The following ARHGAP24 variants were observed in gnomAD, a reference collection of about 807,000 sequenced individuals.
ARHGAP24 encodes the protein Rho GTPase activating protein 24.
In ARHGAP24, 50 loss-of-function variants were observed where a neutral mutation model predicts 76.4. The ratio of observed to expected loss-of-function variants is 0.65; its 90% CI spans 0.52 to 0.83. ARHGAP24 has a LOEUF of 0.83. Ranked by LOEUF, ARHGAP24 falls within the 40% of genes least tolerant of loss-of-function variation. The pLI, the probability that ARHGAP24 is intolerant of heterozygous loss-of-function variation, is 0.00. For missense variants in ARHGAP24, 930 were observed against 914.2 expected, an observed-to-expected ratio of 1.02 and a Z score of -0.22; for synonymous variants, 345 against 323.3, an observed-to-expected ratio of 1.07 and a Z score of -0.72.
At chr4:85,749,396 T>C (rs998033300) in intron 3 of ARHGAP24, among the ~76,000 whole-genome samples, 1 of 152,250 alleles carries the variant, frequency 6.6e-6, no homozygotes, top group African/African-American at 2.4e-5. Flanking sequence ...GCTAGACTTC[T>C]ATATGTCTGA....
chr4:85,578,351 G>A (rs1291041464), intron 2 of ARHGAP24, among the ~76,000 whole-genome samples: 1 of 152,192 alleles, frequency 6.6e-6, no homozygotes, highest in African/African-American at 2.4e-5. Flanking sequence ...ATCTGTCGCT[G>A]CTGGAGAGGG....
At chr4:85,922,677 G>T (rs958916857) in intron 3 of ARHGAP24, among the ~76,000 whole-genome samples, 10 of 152,140 alleles carry the variant, frequency 6.6e-5, no homozygotes, top group Non-Finnish European at 7.3e-5. Context: ...TGCAGGCTCT[G>T]ATACTTGTCT....
At chr4:86,000,155 A>G (rs1740927935) in intron 9 of ARHGAP24, 3 of 234,112 alleles carry the variant, frequency 1.3e-5, no homozygotes, top group Non-Finnish European at 2.5e-5. Context: ...TTTAATGTCC[A>G]GGAAGCTTTC....
At chr4:85,787,450 C>T (rs1242760118) in intron 3 of ARHGAP24, among the ~76,000 whole-genome samples, 1 of 152,088 alleles carries the variant, frequency 6.6e-6, no homozygotes, top group Admixed American at 6.6e-5. Flanking sequence ...CGTGGTCTAC[C>T]TCCTTGCATT....
chr4:85,942,053 C>CTT lies in ARHGAP24; in HGVS notation c.392-5_392-4dup. 6.3e-7 allele frequency: 1 copy of CTT among 1,588,440 alleles called. No homozygotes were observed. Among genetic ancestry groups the CTT allele is most frequent in the South Asian group, 1.1e-5 (1 of 89,906 alleles). The stretch of plus-strand genomic sequence containing the variant: ...TAAATTTCCCAAGTTTACTGTGATC[C>CTT]TTTTTTTTTAAGGCATTTTTGGACA... On this transcript the variant is annotated splice_polypyrimidine_tract_variant and intron_variant, in intron 4 of 9. Coordinates refer to ENST00000395184, the MANE Select transcript of ARHGAP24 (RefSeq NM_001025616.3).
At chr4:85,748,857 C>A (rs1183144466) in intron 3 of ARHGAP24, among the ~76,000 whole-genome samples, 1 of 152,194 alleles carries the variant, frequency 6.6e-6, no homozygotes, top group Non-Finnish European at 1.5e-5. Context: ...AGCCTGAACA[C>A]TTTACTTGAC....
At chr4:85,798,222 T>C (rs1374878668) in intron 3 of ARHGAP24, among the ~76,000 whole-genome samples, 1 of 152,198 alleles carries the variant, frequency 6.6e-6, no homozygotes, top group Non-Finnish European at 1.5e-5. Flanking sequence ...CTGTGTCATC[T>C]GATATAACTC....
At chr4:85,966,376 C>A (rs1012057991) in intron 5 of ARHGAP24, among the ~76,000 whole-genome samples, 1 of 152,142 alleles carries the variant, frequency 6.6e-6, no homozygotes, top group African/African-American at 2.4e-5. Flanking sequence ...TCTACTGGGA[C>A]AAGCACTAGT....
At chr4:85,508,170 T>C (rs909266161) in intron 1 of ARHGAP24, among the ~76,000 whole-genome samples, 7 of 152,116 alleles carry the variant, frequency 4.6e-5, no homozygotes, top group Non-Finnish European at 1.0e-4. Flanking sequence ...AATTGAAATA[T>C]ACCTTACATT....
At chr4:85,535,154 T>G (rs1438976395) in intron 1 of ARHGAP24, among the ~76,000 whole-genome samples, 5 of 152,174 alleles carry the variant, frequency 3.3e-5, no homozygotes, top group Admixed American at 2.6e-4. Flanking sequence ...GATGCATTTT[T>G]GTACCCCTAT....
At chr4:85,541,630 T>A (rs1283281014) in intron 1 of ARHGAP24, among the ~76,000 whole-genome samples, 1 of 152,210 alleles carries the variant, frequency 6.6e-6, no homozygotes, top group Non-Finnish European at 1.5e-5. Context: ...GTTGTACCAA[T>A]TGCATGATGA....
intron 2 of ARHGAP24, among the ~76,000 whole-genome samples, chr4:85,655,792 TAGAGAGAGAGAG>T (rs1248907720): frequency 2.7e-5 from 1 of 37,668 alleles, no homozygotes; most frequent in East Asian, 1.3e-3. Context: ...TATATATATA[TAGAGAGAGAGAG>T]AGAGAGAGAG....
intron 4 of ARHGAP24, among the ~76,000 whole-genome samples, chr4:85,928,519 G>A (rs1012895308): frequency 3.3e-5 from 5 of 152,090 alleles, no homozygotes; most frequent in Admixed American, 6.6e-5. Context: ...GTGCAATGGC[G>A]CATTCTCGGC....
chr4:85,656,886 G>C (rs998178063), intron 2 of ARHGAP24, among the ~76,000 whole-genome samples: 3 of 152,120 alleles, frequency 2.0e-5, no homozygotes, highest in African/African-American at 7.2e-5. Context: ...TTTACTAACA[G>C]TGTTGTTTAA....
chr4:85,830,592 C>A (rs1224750422), intron 3 of ARHGAP24, among the ~76,000 whole-genome samples: 1 of 152,118 alleles, frequency 6.6e-6, no homozygotes, highest in African/African-American at 2.4e-5. Flanking sequence ...TTTACCTTGG[C>A]CACTAAGTTC....
intron 3 of ARHGAP24, among the ~76,000 whole-genome samples, chr4:85,851,129 G>A (rs907499355): frequency 2.1e-4 from 32 of 152,238 alleles, no homozygotes; most frequent in South Asian, 8.3e-4. Context: ...GAATCTGGGC[G>A]CTCCTGTATT....
Position 85,995,379 on chromosome 4 carries a change from C to T in ARHGAP24, c.1725C>T (p.Thr575=), listed in dbSNP as rs774201174. Residue 575 remains threonine (T), a synonymous_variant, in exon 9 of 10, where the codon ACC becomes ACT. Coordinates refer to ENST00000395184, the MANE Select transcript of ARHGAP24 (RefSeq NM_001025616.3). ...ACTCCAACTCCTGTCGCTCTTCTAC[C>T]ACCACCTGCCCAGAGCAAGACTTTT... The part of the protein sequence containing the change: ...PENSNSCRSS[T]TTCPEQDFFG... 1.9e-6 allele frequency: 3 copies of T among 1,613,906 alleles called. No homozygotes were observed. The highest frequency in any genetic ancestry group is 2.5e-6 in the Non-Finnish European group (3 of 1,179,984).
chr4:85,890,826 A>C (rs1016287647), intron 3 of ARHGAP24, among the ~76,000 whole-genome samples: 1 of 152,208 alleles, frequency 6.6e-6, no homozygotes, highest in Non-Finnish European at 1.5e-5. Context: ...CAGAAAAGTT[A>C]TTAAATTTAA....
intron 3 of ARHGAP24, among the ~76,000 whole-genome samples, chr4:85,742,573 A>G (rs1034665658): frequency 1.3e-5 from 2 of 152,216 alleles, no homozygotes; most frequent in Admixed American, 6.5e-5. Flanking sequence ...TGTCTGCATC[A>G]GATAAGAAGG....
Sources: gnomAD v4.1 joint callset for allele counts (sites outside exome capture counted in the v4.1 genomes callset) on GRCh38, gnomAD v4.1.1 for gene constraint, MANE v1.5 for transcripts, NCBI Gene and HGNC (gene_info 2026-07-23, HGNC 2026-07-21) for gene names.